The following BCL2L11 variants were observed in gnomAD, a reference collection of about 807,000 sequenced individuals.
The protein encoded by BCL2L11 is BCL2 like 11.
Under a neutral mutation model 20.6 loss-of-function variants are expected in BCL2L11, and 15 were observed. The observed-to-expected ratio is 0.73, with a 90% CI of 0.49 to 1.12. The LOEUF (loss-of-function observed/expected upper bound fraction) is 1.12. BCL2L11 is among the 50% of genes most tolerant of loss of function. The pLI, the probability that BCL2L11 is intolerant of heterozygous loss-of-function variation, is 0.00. For synonymous variants in BCL2L11, 108 were observed against 92.8 expected, an observed-to-expected ratio of 1.16 and a Z score of -0.94; for missense variants, 292 against 260.9, an observed-to-expected ratio of 1.12 and a Z score of -0.82.
rs1190224654 is a variant in BCL2L11, at chr2:111,120,966, G to GCGCCGCCGCCGCCGC, written c.-230_-229insCGCCGCCGCCGCCGC. ...GCAGTTTGTTGGAGCTCTGCGTCCA[G>GCGCCGCCGCCGCCGC]CGCCGCTGCCGCTGCCGCCGCCGCC... On this transcript the variant is annotated 5_prime_UTR_variant, in exon 1 of 4. Coordinates refer to ENST00000393256, the MANE Select transcript of BCL2L11 (RefSeq NM_138621.5). The GCGCCGCCGCCGCCGC allele has an allele frequency of 2.7e-6, 1 of 368,006 alleles. No homozygotes were observed. The highest frequency in any genetic ancestry group is 2.7e-5 in the African/African-American group (1 of 36,502). 22.8% of individuals were successfully genotyped at this position (368,006 alleles called of 1,614,324 possible). A position where few individuals can be genotyped will look rare whatever the true frequency, so the allele number is the denominator to read the frequency against.
In BCL2L11 at chr2:111,164,157, G is replaced by A. The variant is rs770654317; in HGVS notation, c.523G>A (p.Ala175Thr). The A allele has an allele frequency of 6.4e-7, 1 of 1,559,744 alleles. No individual in the cohort carries two copies. Among genetic ancestry groups the A allele is most frequent in the Non-Finnish European group, 8.7e-7 (1 of 1,144,670 alleles). Residue 175 changes from alanine (A) to threonine (T), a missense_variant, in exon 4 of 4, where the codon GCC (alanine) becomes ACC (threonine). Physicochemically the swap from Ala to Thr is moderately conservative, Grantham distance 58. Coordinates refer to ENST00000393256, the MANE Select transcript of BCL2L11 (RefSeq NM_138621.5). Reference sequence around the variant, plus strand: ...GGTATTTTTGAATAATTACCAAGCAGCCGAAGACCACCCACGAATGGTTAT... The same window carrying A: ...GGTATTTTTGAATAATTACCAAGCAACCGAAGACCACCCACGAATGGTTAT... ...RRVFLNNYQA[A>T]EDHPRMVILR...
chr2:111,124,632 ATGAGT>A (rs1319217180), intron 2 of BCL2L11, among the ~76,000 whole-genome samples: 1 of 152,214 alleles, frequency 6.6e-6, no homozygotes, highest in East Asian at 1.9e-4. Context: ...TGTGGCAGTG[ATGAGT>A]TGAGGTCCAA....
At chr2:111,136,673 G>A (rs1002338474) in intron 2 of BCL2L11, among the ~76,000 whole-genome samples, 9 of 152,154 alleles carry the variant, frequency 5.9e-5, no homozygotes, top group African/African-American at 1.4e-4. Flanking sequence ...CTGTGTCCTC[G>A]AGTGATAGAA....
chr2:111,139,005 C>T (rs560732110), intron 2 of BCL2L11, among the ~76,000 whole-genome samples: 57 of 152,302 alleles, frequency 3.7e-4, no homozygotes, highest in Non-Finnish European at 7.2e-4. Context: ...GTGCTCTCTA[C>T]TGCTTTCCGT....
chr2:111,134,001 G>A (rs1009503487), intron 2 of BCL2L11, among the ~76,000 whole-genome samples: 3 of 152,096 alleles, frequency 2.0e-5, no homozygotes. Context: ...TAACATTAAT[G>A]TATTAATGTT....
At chr2:111,123,616 G>A (rs1396362672) in intron 1 of BCL2L11, 117 bp from the exon 2 acceptor site, 2 of 1,226,284 alleles carry the variant, frequency 1.6e-6, no homozygotes, top group Non-Finnish European at 2.1e-6. Context: ...GAAAAGTATA[G>A]AACAAAGTAT....
chr2:111,121,053 G>A lies in BCL2L11; in HGVS notation c.-149G>A. On this transcript the variant is annotated 5_prime_UTR_variant, in exon 1 of 4. Transcript: ENST00000393256. ...ACCACTTGATTCTTGCAGCCACCCT[G>A]CGAACCCTGCCACACTGCGATCGCA... is the stretch of plus-strand genomic sequence containing the variant. The A allele has an allele frequency of 2.8e-6, 1 of 361,098 alleles. No homozygotes were observed. The highest frequency in any genetic ancestry group is 4.9e-6 in the Non-Finnish European group (1 of 202,366). 22.4% of individuals were successfully genotyped at this position (361,098 alleles called of 1,614,324 possible).
Position 111,164,187 on chromosome 2 carries a change from C to T in BCL2L11, c.553C>T (p.Arg185Ter). Residue 185 changes from arginine to a stop codon, truncating the protein, a stop_gained, in exon 4 of 4, where the codon CGA becomes TGA. Coordinates refer to ENST00000393256, the MANE Select transcript of BCL2L11 (RefSeq NM_138621.5). LOFTEE classifies it high-confidence loss of function. Reference protein sequence around the residue: ...AEDHPRMVILRLLRYIVRLVW... With the variant: ...AEDHPRMVIL ...AGACCACCCACGAATGGTTATCTTA[C>T]GACTGTTACGTTACATTGTCCGCCT... is the stretch of plus-strand genomic sequence containing the variant. The T allele has an allele frequency of 1.3e-6, 2 of 1,595,048 alleles. No individual in the cohort carries two copies. Among genetic ancestry groups the T allele is most frequent in the Non-Finnish European group, 1.7e-6 (2 of 1,167,504 alleles).
chr2:111,151,278 G>A (rs115449420), intron 3 of BCL2L11, among the ~76,000 whole-genome samples: 1,829 of 152,248 alleles, frequency 0.012, 37 homozygotes, highest in African/African-American at 0.042. Flanking sequence ...GACTGCTTCC[G>A]CTAAAGGGTA....
chr2:111,122,996 G>A, intron 1 of BCL2L11: 1 of 985,102 alleles, frequency 1.0e-6, no homozygotes, highest in Non-Finnish European at 1.2e-6. Flanking sequence ...CACCGGTGTC[G>A]CCTAGCCTGC....
In BCL2L11 at chr2:111,168,210, G is replaced by A. The variant is rs556301815; in HGVS notation, c.*3979G>A. The A allele has an allele frequency of 6.6e-6, 1 of 152,634 alleles. No individual in the cohort carries two copies. Among genetic ancestry groups the A allele is most frequent in the African/African-American group, 2.4e-5 (1 of 41,528 alleles). 9.5% of individuals were successfully genotyped at this position (152,634 alleles called of 1,614,324 possible). A position where few individuals can be genotyped will look rare whatever the true frequency, so the allele number is the denominator to read the frequency against. ...TAGTTACTGTATCAGAACTCATCAGGTACCCACTTATAAATAGCACTGATC... is the reference window on the plus strand; with the variant it reads ...TAGTTACTGTATCAGAACTCATCAGATACCCACTTATAAATAGCACTGATC... On this transcript the variant is annotated 3_prime_UTR_variant, in exon 4 of 4. Transcript: ENST00000393256.
Position 111,164,448 on chromosome 2 carries a change from A to G in BCL2L11, c.*217A>G. 1 of 457,360 alleles carries G rather than the reference A, an allele frequency of 2.2e-6. No individual in the cohort carries two copies. Among genetic ancestry groups the G allele is most frequent in the Non-Finnish European group, 3.9e-6 (1 of 254,204 alleles). 28.3% of individuals were successfully genotyped at this position (457,360 alleles called of 1,614,324 possible). ...TAATGGAAGTTTGTTGTGAATGTAA[A>G]GGAGGGAGCATTCTTTGCTTTTTAA... On this transcript the variant is annotated 3_prime_UTR_variant, in exon 4 of 4. Transcript: ENST00000393256.
At chr2:111,136,263 A>C (rs1386438718) in intron 2 of BCL2L11, among the ~76,000 whole-genome samples, 1 of 152,192 alleles carries the variant, frequency 6.6e-6, no homozygotes, top group Non-Finnish European at 1.5e-5. Context: ...CATGCTGTCC[A>C]GGATACATGG....
chr2:111,130,126 T>TA (rs1414618291), intron 2 of BCL2L11: 54 of 354,854 alleles, frequency 1.5e-4, no homozygotes, highest in Non-Finnish European at 2.2e-4. Flanking sequence ...TTTTTTTTTG[T>TA]GACAGTCTCA....
chr2:111,124,192 T>C (rs2071938743), intron 2 of BCL2L11, 53 bp downstream of exon 2: 2 of 1,512,838 alleles, frequency 1.3e-6, no homozygotes, highest in East Asian at 4.6e-5. Flanking sequence ...TGAATCTGCT[T>C]GAAGGCTGTG....
intron 3 of BCL2L11, chr2:111,161,635 A>T: frequency 7.1e-7 from 1 of 1,414,772 alleles, no homozygotes; most frequent in Admixed American, 2.6e-5. Context: ...TTAGTGTCAT[A>T]CTTGCCTTTA....
At chr2:111,153,711 T>C in intron 3 of BCL2L11, 1 of 1,538,734 alleles carries the variant, frequency 6.5e-7, no homozygotes. Context: ...CAATGCCTTG[T>C]CTAAAGTGTT....
At chr2:111,136,605 G>A (rs537787957) in intron 2 of BCL2L11, among the ~76,000 whole-genome samples, 1 of 152,312 alleles carries the variant, frequency 6.6e-6, no homozygotes, top group Non-Finnish European at 1.5e-5. Context: ...AGGGTGATAA[G>A]TACAAGACAA....
At chr2:111,126,755 T>G (rs2072709907) in intron 2 of BCL2L11, among the ~76,000 whole-genome samples, 1 of 152,314 alleles carries the variant, frequency 6.6e-6, no homozygotes, top group African/African-American at 2.4e-5. Flanking sequence ...CTTTTGATAA[T>G]TTATTGCAAA....
Sources: gnomAD v4.1 joint callset for allele counts (sites outside exome capture counted in the v4.1 genomes callset) on GRCh38, gnomAD v4.1.1 for gene constraint, MANE v1.5 for transcripts, NCBI Gene and HGNC (gene_info 2026-07-23, HGNC 2026-07-21) for gene names.